Variants in RGSL1 observed in about 807,000 individuals in gnomAD.
The protein encoded by RGSL1 is regulator of G protein signaling protein-like.
In RGSL1, 97 loss-of-function variants were observed where a neutral mutation model predicts 124.7. The ratio of observed to expected loss-of-function variants is 0.78; its 90% CI spans 0.66 to 0.92. RGSL1 has a LOEUF of 0.92. Ranked by LOEUF, RGSL1 falls within the 40% of genes least tolerant of loss-of-function variation. The pLI is 0.00. For missense variants in RGSL1, 1,233 were observed against 1,288.4 expected (o/e 0.96, Z 0.66); for synonymous variants, 424 against 438.1 (o/e 0.97, Z 0.40).
At chr1:182,505,812 C>A (rs1656768141) in intron 9 of RGSL1, among the ~76,000 whole-genome samples, 1 of 151,784 alleles carries the variant, frequency 6.6e-6, no homozygotes, top group Non-Finnish European at 1.5e-5. Flanking sequence ...TTAACTTTGT[C>A]TGGCATATAG....
At chr1:182,523,528 A>G (rs1051619840) in intron 10 of RGSL1, among the ~76,000 whole-genome samples, 1 of 152,172 alleles carries the variant, frequency 6.6e-6, no homozygotes, top group African/African-American at 2.4e-5. Context: ...CTTATTTTCC[A>G]ATTTACTTAA....
chr1:182,455,424 A>G lies in RGSL1; in HGVS notation c.96+1384A>G, dbSNP rs934591458. Among the ~76,000 whole-genome samples the G allele has an allele frequency of 2.6e-5, 4 of 152,256 alleles. No homozygotes were observed. The East Asian group carries it at 5.8e-4, about 22-fold the overall frequency. Reference sequence around the variant, plus strand: ...TGGTGAAATCCTGTCTCTACTAAAAATACAAAAATTAGCCGGGCGTGGTGG... The same window carrying G: ...TGGTGAAATCCTGTCTCTACTAAAAGTACAAAAATTAGCCGGGCGTGGTGG... On this transcript the variant is annotated intron_variant, in intron 2 of 21. Coordinates refer to ENST00000294854, the MANE Select transcript of RGSL1 (RefSeq NM_001137669.2).
intron 10 of RGSL1, among the ~76,000 whole-genome samples, chr1:182,524,727 A>G (rs569106002): frequency 3.7e-4 from 56 of 152,324 alleles, no homozygotes; most frequent in Middle Eastern, 3.4e-3. Flanking sequence ...AAGCTCCACA[A>G]AAAAGCCAAT....
In RGSL1 at chr1:182,478,137, G is replaced by A. The variant is rs1006841515; in HGVS notation, c.1431+3595G>A. ...TCACTCTGTCACCCAGGCTGGAATG[G>A]AGTGGCATGATCATAGCTCACTGTA... On this transcript the variant is annotated intron_variant, in intron 6 of 21. Transcript: ENST00000294854. Among the ~76,000 whole-genome samples, 5 of 152,182 alleles carry A rather than the reference G, an allele frequency of 3.3e-5. No individual in the cohort carries two copies. The South Asian group carries it at 8.3e-4, about 25-fold the overall frequency.
chr1:182,511,286 T>C (rs1657436050), intron 9 of RGSL1, among the ~76,000 whole-genome samples: 1 of 152,158 alleles, frequency 6.6e-6, no homozygotes, highest in South Asian at 2.1e-4. Flanking sequence ...TGCCTCAGCC[T>C]CCCAAGTAGC....
rs1235710350 is a variant in RGSL1 at position 182,548,802 on chromosome 1, G to A, written c.2911G>A (p.Val971Ile). 16 of 1,551,454 alleles carry A rather than the reference G, an allele frequency of 1.0e-5. No individual in the cohort carries two copies. The highest frequency in any genetic ancestry group is 1.7e-4 in the Middle Eastern group (1 of 6,014). Reference protein sequence around the residue: ...FHGAIMSVFPVVMYFWKRFCF... With the variant: ...FHGAIMSVFPIVMYFWKRFCF... ...TGGGGCTATCATGTCTGTCTTCCCC[G>A]TTGTTATGTACTTCTGGAAAAGGTA... The change falls in exon 17 of 22, where the codon GTT becomes ATT. Residue 971 changes from valine (V) to isoleucine (I), a missense_variant. Physicochemically the swap from Val to Ile is conservative, Grantham distance 29. Coordinates refer to ENST00000294854, the MANE Select transcript of RGSL1 (RefSeq NM_001137669.2).
chr1:182,530,951 A>G (rs1213501871), intron 13 of RGSL1, 41 bp downstream of exon 13: 2 of 1,530,102 alleles, frequency 1.3e-6, no homozygotes, highest in Non-Finnish European at 8.8e-7. Context: ...TAGAGACAAG[A>G]AAACCATCGT....
At chr1:182,449,250 C>T (rs1415213674), upstream of RGSL1, 3 of 152,148 alleles carry the variant, frequency 2.0e-5, no homozygotes, top group Admixed American at 2.0e-4. Context: ...CTTTAAAATG[C>T]AGTATTTGGT....
rs1355122976 is a variant in RGSL1 at position 182,493,127 on chromosome 1, T to C, written c.1823T>C (p.Ile608Thr). Reference sequence around the variant, plus strand: ...ATATACTGTGAGAAAGCACCTAAAATAGGCAAGTGTTTAAAATCAGGGATA... The same window carrying C: ...ATATACTGTGAGAAAGCACCTAAAACAGGCAAGTGTTTAAAATCAGGGATA... ...YKIYCEKAPKIDFKMEIIKET... is the reference protein window; with the variant it reads ...YKIYCEKAPKTDFKMEIIKET... Residue 608 changes from isoleucine (I) to threonine (T), a missense_variant and splice_region_variant, in exon 9 of 22, where the codon ATA becomes ACA. Coordinates refer to ENST00000294854, the MANE Select transcript of RGSL1 (RefSeq NM_001137669.2). The C allele has an allele frequency of 6.5e-7, 1 of 1,540,904 alleles. No homozygotes were observed. Among genetic ancestry groups the C allele is most frequent in the Non-Finnish European group, 8.8e-7 (1 of 1,137,562 alleles).
chr1:182,468,224 C>A (rs1204823906), intron 4 of RGSL1, among the ~76,000 whole-genome samples: 2 of 152,176 alleles, frequency 1.3e-5, no homozygotes, highest in African/African-American at 4.8e-5. Flanking sequence ...CCTCAGGGAT[C>A]TAGAACTAGA....
Position 182,548,772 on chromosome 1 carries a change from T to TAGA in RGSL1, c.2881_2882insAGA (p.Phe961delinsTer). ...AGAGGGCTACCTAGATCGGAGCGTC[T>TAGA]TCCATGGGGCTATCATGTCTGTCTT... On this transcript the variant is annotated stop_gained, in exon 17 of 22. Coordinates refer to ENST00000294854, the MANE Select transcript of RGSL1 (RefSeq NM_001137669.2). LOFTEE classifies it high-confidence loss of function. 1 of 1,551,666 alleles carries TAGA rather than the reference T, an allele frequency of 6.4e-7. No individual in the cohort carries two copies. The highest frequency in any genetic ancestry group is 2.0e-5 in the Admixed American group (1 of 51,002).
intron 6 of RGSL1, among the ~76,000 whole-genome samples, chr1:182,481,325 C>A (rs1361169329): frequency 6.6e-6 from 1 of 151,926 alleles, no homozygotes; most frequent in African/African-American, 2.4e-5. Flanking sequence ...TAATTATACA[C>A]CAACAAATTG....
intron 4 of RGSL1, 32 bp from the exon 5 acceptor site, chr1:182,472,364 A>C: frequency 6.5e-7 from 1 of 1,530,920 alleles, no homozygotes; most frequent in Non-Finnish European, 8.8e-7. Context: ...AAACTAGGGT[A>C]TAGCTCTGTG....
At chr1:182,538,245 C>T (rs1269177027) in intron 14 of RGSL1, among the ~76,000 whole-genome samples, 1 of 152,152 alleles carries the variant, frequency 6.6e-6, no homozygotes. Flanking sequence ...AAAGTTTCAG[C>T]AGGCTGGGGC....
intron 9 of RGSL1, among the ~76,000 whole-genome samples, chr1:182,493,969 C>G (rs1021903331): frequency 6.6e-6 from 1 of 152,188 alleles, no homozygotes. Flanking sequence ...GCTCACATTA[C>G]TCTACCTTAT....
chr1:182,558,298 A>G (rs1660978670), intron 21 of RGSL1, among the ~76,000 whole-genome samples: 2 of 152,164 alleles, frequency 1.3e-5, no homozygotes, highest in African/African-American at 4.8e-5. Flanking sequence ...TCCAGGGGCC[A>G]CTGCCGTCTA....
At chr1:182,488,491 G>T (rs955748051) in intron 7 of RGSL1, 144 bp downstream of exon 7, 2 of 789,526 alleles carry the variant, frequency 2.5e-6, no homozygotes, top group Admixed American at 2.3e-5. Context: ...GGTCCCTGTT[G>T]TTCTAAAGCT....
At chr1:182,494,974 A>G (rs1406831055) in intron 9 of RGSL1, among the ~76,000 whole-genome samples, 3 of 152,248 alleles carry the variant, frequency 2.0e-5, no homozygotes, top group Non-Finnish European at 4.4e-5. Flanking sequence ...TGAGGGATCA[A>G]TCACTTATAA....
intron 9 of RGSL1, among the ~76,000 whole-genome samples, chr1:182,517,953 G>T (rs138299055): frequency 1.5e-3 from 225 of 152,266 alleles, no homozygotes; most frequent in African/African-American, 5.1e-3. Flanking sequence ...GTCTACGTAT[G>T]TGTCTTTGCA....
Sources: allele counts gnomAD v4.1 joint callset (sites outside exome capture counted in the v4.1 genomes callset), GRCh38; gene constraint gnomAD v4.1.1; transcripts MANE v1.5; gene names NCBI Gene and HGNC (gene_info 2026-07-23, HGNC 2026-07-21).